Variants in FRG1 observed in about 807,000 individuals in gnomAD.
The protein encoded by FRG1 is protein FRG1.
Under a neutral mutation model 37.0 loss-of-function variants are expected in FRG1, and 19 were observed. That is an observed-to-expected ratio of 0.51 (90% CI 0.36 to 0.75). FRG1 has a LOEUF of 0.75. FRG1 is among the 30% of genes least tolerant of loss of function. FRG1 has a pLI of 0.00. For missense variants in FRG1, 243 were observed against 301.4 expected (o/e 0.81, Z 1.44); for synonymous variants, 73 against 96.5 (o/e 0.76, Z 1.43).
chr4:189,945,656 T>TGTTTG (rs796953898), intron 2 of FRG1, among the ~76,000 whole-genome samples: 159 of 143,000 alleles, frequency 1.1e-3, no homozygotes, highest in Admixed American at 2.2e-3. Context: ...TGTTTGTGTT[T>TGTTTG]TTTGTTTTTT....
In FRG1 at chr4:189,943,185, T is replaced by C. The variant is rs1339277722; in HGVS notation, c.63-17T>C. On this transcript the variant is annotated splice_polypyrimidine_tract_variant and intron_variant, in intron 1 of 8. Coordinates refer to ENST00000226798, the MANE Select transcript of FRG1 (RefSeq NM_004477.3). ...ATCAATATACCTAAACTCGTCTATA[T>C]AAATTATGTCCTGTAGTAAGAAGAA... is the stretch of plus-strand genomic sequence containing the variant. The C allele has an allele frequency of 6.4e-7, 1 of 1,562,074 alleles. No homozygotes were observed. Among genetic ancestry groups the C allele is most frequent in the Non-Finnish European group, 8.7e-7 (1 of 1,146,388 alleles).
At chr4:189,950,737 C>T (rs781731569) in intron 2 of FRG1, among the ~76,000 whole-genome samples, 12 of 151,986 alleles carry the variant, frequency 7.9e-5, no homozygotes, top group Non-Finnish European at 1.3e-4. Flanking sequence ...CCCCATGTGC[C>T]CAGGCCCCAG....
At chr4:189,941,351 C>T (rs1174892816) in intron 1 of FRG1, among the ~76,000 whole-genome samples, 1 of 152,186 alleles carries the variant, frequency 6.6e-6, no homozygotes, top group Non-Finnish European at 1.5e-5. Context: ...TCTCTCCAGG[C>T]CTCTGCCTGG....
intron 1 of FRG1, chr4:189,941,880 G>C (rs75442732): frequency 2.3e-6 from 1 of 440,746 alleles, no homozygotes; most frequent in Non-Finnish European, 4.5e-6. Flanking sequence ...CCTGGTCTCC[G>C]TGATAAACAG....
rs540456972 is a variant in FRG1 at position 189,944,279 on chromosome 4, C to T, written c.133+1007C>T. On this transcript the variant is annotated intron_variant, in intron 2 of 8. Coordinates refer to ENST00000226798, the MANE Select transcript of FRG1 (RefSeq NM_004477.3). ...GCAAGCTCCACCTCCCGGGTTCATG[C>T]CATTCTGCTGCCTCAGCCTCCCGAG... Among the ~76,000 whole-genome samples the T allele has an allele frequency of 1.2e-4, 18 of 152,238 alleles. No individual in the cohort carries two copies. In the East Asian group the frequency reaches 2.9e-3, roughly 25 times the overall value.
intron 2 of FRG1, among the ~76,000 whole-genome samples, chr4:189,951,146 G>A (rs1372364166): frequency 6.6e-6 from 1 of 152,096 alleles, no homozygotes; most frequent in African/African-American, 2.4e-5. Flanking sequence ...TTGGAAATTA[G>A]TATACATAGA....
At chr4:189,954,970 C>A in intron 4 of FRG1, 67 bp from the exon 5 acceptor site, 2 of 924,082 alleles carry the variant, frequency 2.2e-6, no homozygotes, top group East Asian at 2.6e-5. Context: ...TACGCATGTC[C>A]TGTTTTGATG....
intron 1 of FRG1, 137 bp downstream of exon 1, chr4:189,941,208 G>C: frequency 2.6e-6 from 2 of 770,258 alleles, no homozygotes; most frequent in Non-Finnish European, 4.2e-6. Flanking sequence ...TGTCCGGGCT[G>C]GACGGAGGCC....
intron 1 of FRG1, among the ~76,000 whole-genome samples, chr4:189,942,286 G>C (rs1053370504): frequency 6.6e-6 from 1 of 151,986 alleles, no homozygotes; most frequent in Non-Finnish European, 1.5e-5. Context: ...GGGGTTTTTA[G>C]TATATATTCA....
intron 1 of FRG1, among the ~76,000 whole-genome samples, chr4:189,942,383 C>T (rs1217727641): frequency 6.6e-6 from 1 of 152,086 alleles, no homozygotes; most frequent in Non-Finnish European, 1.5e-5. Flanking sequence ...CACATCCCAT[C>T]CTCCCCCTCT....
At chr4:189,959,698 G>A (rs1882895) in intron 6 of FRG1, 54,813 of 156,394 alleles carry the variant, frequency 0.35, 10,076 homozygotes, top group African/African-American at 0.47. Context: ...AAGATACAAA[G>A]ATACTTACAC....
intron 6 of FRG1, among the ~76,000 whole-genome samples, chr4:189,959,142 C>A (rs1737116309): frequency 6.6e-6 from 1 of 152,198 alleles, no homozygotes; most frequent in Non-Finnish European, 1.5e-5. Flanking sequence ...GTACATACTT[C>A]ATGTTAGATT....
At chr4:189,941,895 T>G (rs921738155) in intron 1 of FRG1, 2 of 438,528 alleles carry the variant, frequency 4.6e-6, no homozygotes, top group Non-Finnish European at 9.1e-6. Context: ...AAACAGAGGT[T>G]TTGATATTTT....
At chr4:189,963,006 A>G (rs1737301166) in intron 8 of FRG1, 87 bp from the exon 9 acceptor site, 5 of 798,176 alleles carry the variant, frequency 6.3e-6, no homozygotes, top group Non-Finnish European at 9.9e-6. Context: ...TTGAACACAC[A>G]GTTTTAAAGC....
At chr4:189,959,992 AGCCTT>A (rs949613091) in intron 6 of FRG1, 1 of 680,072 alleles carries the variant, frequency 1.5e-6, no homozygotes, top group African/African-American at 2.0e-5. Context: ...TACTAAAGGT[AGCCTT>A]GTGTTACAGG....
At position 189,943,212 on chromosome 4, in the gene FRG1, A is replaced by C. The variant is rs1736392484; in HGVS notation, c.73A>C (p.Lys25Gln). The change falls in exon 2 of 9, where the codon AAG (lysine) becomes CAG (glutamine). Residue 25 changes from lysine to glutamine, a missense_variant. Coordinates refer to ENST00000226798, the MANE Select transcript of FRG1 (RefSeq NM_004477.3). ...AATTATGTCCTGTAGTAAGAAGAAA[A>C]AGAGCAAAGATAAGAAAAGAAAAAG... Reference protein sequence around the residue: ...KGTKTKSKKKKSKDKKRKREE... With the variant: ...KGTKTKSKKKQSKDKKRKREE... 1 of 1,596,816 alleles carries C rather than the reference A, an allele frequency of 6.3e-7. No homozygotes were observed. Among genetic ancestry groups the C allele is most frequent in the Non-Finnish European group, 8.6e-7 (1 of 1,168,384 alleles).
At chr4:189,942,226 TTTA>T in intron 1 of FRG1, among the ~76,000 whole-genome samples, 1 of 152,206 alleles carries the variant, frequency 6.6e-6, no homozygotes, top group Non-Finnish European at 1.5e-5. Context: ...TTTTTATTTT[TTTA>T]TTGAGATATA....
At chr4:189,962,125 T>G (rs981359131) in intron 8 of FRG1, among the ~76,000 whole-genome samples, 193 bp downstream of exon 8, 1 of 152,184 alleles carries the variant, frequency 6.6e-6, no homozygotes, top group Non-Finnish European at 1.5e-5. Flanking sequence ...TATCTAAAAA[T>G]TATAACCGAT....
chr4:189,941,559 G>T (rs555175303), intron 1 of FRG1, among the ~76,000 whole-genome samples: 1 of 152,154 alleles, frequency 6.6e-6, no homozygotes, highest in Non-Finnish European at 1.5e-5. Flanking sequence ...CTGCACTCTT[G>T]TCATTTACTA....
Sources: allele counts gnomAD v4.1 joint callset (sites outside exome capture counted in the v4.1 genomes callset), GRCh38; gene constraint gnomAD v4.1.1; transcripts MANE v1.5; gene names NCBI Gene and HGNC (gene_info 2026-07-23, HGNC 2026-07-21).